Variants in APBA2 observed in about 807,000 individuals in gnomAD.
APBA2 encodes the protein amyloid-beta A4 precursor protein-binding family A member 2.
A neutral mutation model predicts 75.0 loss-of-function variants in APBA2; 30 were observed. The ratio of observed to expected loss-of-function variants is 0.40; its 90% confidence interval spans 0.30 to 0.54. APBA2 has a LOEUF of 0.54. APBA2 is among the 20% of genes least tolerant of loss of function. APBA2 has a pLI of 0.49. For missense variants in APBA2, 801 were observed against 1,016.1 expected, an observed-to-expected ratio of 0.79 and a Z score of 2.88; for synonymous variants, 444 against 409.6, an observed-to-expected ratio of 1.08 and a Z score of -1.01.
chr15:29,060,832 A>G (rs2042101055), intron 4 of APBA2, among the ~76,000 whole-genome samples: 1 of 152,106 alleles, frequency 6.6e-6, no homozygotes, highest in Admixed American at 6.6e-5. Context: ...AGTTGGGTCC[A>G]GCAAGGCTCG....
At position 29,024,694 on chromosome 15, in the gene APBA2, T is replaced by C. The variant is rs191949380; in HGVS notation, c.-41+28888T>C. On this transcript the variant is annotated intron_variant, in intron 3 of 14. Transcript: ENST00000683413. ...GCTGTGAAACAACAGCAGAATCTCA[T>C]AGGACGAGAATTTTTCTTCCTGTTT... Among the ~76,000 whole-genome samples, 339 of 152,318 alleles carry C rather than the reference T, an allele frequency of 2.2e-3. 5 individuals carry two copies. Among genetic ancestry groups the C allele is most frequent in the Admixed American group, 0.02 (304 of 15,298 alleles).
At chr15:28,935,874 A>G (rs1221180589) in intron 2 of APBA2, among the ~76,000 whole-genome samples, 1 of 152,246 alleles carries the variant, frequency 6.6e-6, no homozygotes, top group African/African-American at 2.4e-5. Flanking sequence ...ACAATAGGTT[A>G]TTCATGCAGA....
chr15:28,905,662 AC>A (rs1378934305), intron 1 of APBA2, among the ~76,000 whole-genome samples: 3 of 152,148 alleles, frequency 2.0e-5, no homozygotes, highest in Non-Finnish European at 4.4e-5. Context: ...AGTAGCTGGG[AC>A]TACAGGTACA....
At chr15:29,033,964 CAAAAAAA>C (rs34808408) in intron 3 of APBA2, among the ~76,000 whole-genome samples, 1 of 39,556 alleles carries the variant, frequency 2.5e-5, no homozygotes, top group African/African-American at 8.7e-5. Context: ...GACTCCATCT[CAAAAAAA>C]AAAAAAAAAA....
chr15:28,915,747 C>T (rs1179092069), intron 1 of APBA2, among the ~76,000 whole-genome samples: 3 of 150,940 alleles, frequency 2.0e-5, no homozygotes, highest in Non-Finnish European at 4.4e-5. Flanking sequence ...AAAACACACA[C>T]ACTCAACTCT....
chr15:28,893,660 T>C (rs1382057106), intron 1 of APBA2, among the ~76,000 whole-genome samples: 1 of 152,168 alleles, frequency 6.6e-6, no homozygotes, highest in Non-Finnish European at 1.5e-5. Flanking sequence ...GTCCTAAGGT[T>C]CAGGTACTTG....
intron 2 of APBA2, among the ~76,000 whole-genome samples, chr15:28,953,886 G>C (rs2036024746): frequency 1.3e-5 from 2 of 152,078 alleles, no homozygotes; most frequent in South Asian, 4.1e-4. Context: ...GTGGCACAAG[G>C]AGCTCACATT....
intron 2 of APBA2, among the ~76,000 whole-genome samples, chr15:28,957,018 A>G (rs2036204139): frequency 6.6e-6 from 1 of 152,110 alleles, no homozygotes; most frequent in Non-Finnish European, 1.5e-5. Context: ...GTTGTGAATC[A>G]TGCTGCTGTG....
At chr15:29,031,896 C>T (rs142431916) in intron 3 of APBA2, among the ~76,000 whole-genome samples, 120 of 152,354 alleles carry the variant, frequency 7.9e-4, no homozygotes, top group African/African-American at 2.8e-3. Context: ...TCACAACCAC[C>T]CCAAGAAAGT....
At chr15:29,078,156 G>A (rs552890353) in intron 6 of APBA2, among the ~76,000 whole-genome samples, 195 of 151,896 alleles carry the variant, frequency 1.3e-3, no homozygotes, top group African/African-American at 4.5e-3. Context: ...TTAGCCAGGC[G>A]TGATGCTGAG....
At chr15:29,100,289 G>A (rs1330782930) in intron 9 of APBA2, among the ~76,000 whole-genome samples, 1 of 152,224 alleles carries the variant, frequency 6.6e-6, no homozygotes, top group African/African-American at 2.4e-5. Flanking sequence ...TCCCTGGAAG[G>A]TGACTCTTGT....
At chr15:29,012,240 C>T (rs188158042) in intron 3 of APBA2, among the ~76,000 whole-genome samples, 28 of 152,276 alleles carry the variant, frequency 1.8e-4, no homozygotes, top group Admixed American at 1.3e-3. Flanking sequence ...GTTATTATGT[C>T]GCTTTAGGTT....
chr15:28,925,008 A>G (rs1321469524), intron 2 of APBA2, among the ~76,000 whole-genome samples: 1 of 151,992 alleles, frequency 6.6e-6, no homozygotes, highest in Non-Finnish European at 1.5e-5. Flanking sequence ...CATTTCCTGA[A>G]TAGGTTTTTT....
chr15:28,915,902 C>T (rs1184452738), intron 1 of APBA2, among the ~76,000 whole-genome samples: 2 of 151,482 alleles, frequency 1.3e-5, no homozygotes, highest in Admixed American at 6.6e-5. Context: ...CACCACACAC[C>T]CACACCATAC....
At chr15:29,056,636 C>CCTCT (rs147310000) in intron 4 of APBA2, among the ~76,000 whole-genome samples, 2,227 of 96,206 alleles carry the variant, frequency 0.023, 41 homozygotes, top group East Asian at 0.028. Context: ...CTCCCTCCCT[C>CCTCT]CTCTCTCTCT....
Position 29,093,215 on chromosome 15 carries a change from G to A in APBA2, c.1210G>A (p.Val404Ile), listed in dbSNP as rs745360008. ...MMQAQEAVSR[V>I]KRMQKAAKIK... ...GCAAGCGCAGGAGGCCGTCAGCCGG[G>A]TCAAGGTAGAGGTGCTTCGAGGGCC... Residue 404 changes from valine (V) to isoleucine (I), a missense_variant, in exon 7 of 15, where the codon GTC becomes ATC. Around this residue, in one of 2 missense-constraint regions of APBA2, gnomAD observed 367 missense variants for 544.5 expected, o/e 0.67. Transcript: ENST00000683413. 2 of 1,614,228 alleles carry A rather than the reference G, an allele frequency of 1.2e-6. No individual in the cohort carries two copies. The highest frequency in any genetic ancestry group is 1.7e-6 in the Non-Finnish European group (2 of 1,180,052).
At chr15:29,057,301 G>A (rs2041943028) in intron 4 of APBA2, among the ~76,000 whole-genome samples, 1 of 152,208 alleles carries the variant, frequency 6.6e-6, no homozygotes, top group Admixed American at 6.5e-5. Flanking sequence ...CATTCCAGCT[G>A]TGATGCTGTA....
chr15:28,889,342 T>C (rs527997079), intron 1 of APBA2, among the ~76,000 whole-genome samples: 1 of 152,332 alleles, frequency 6.6e-6, no homozygotes, highest in Admixed American at 6.5e-5. Context: ...GTGCCACTGC[T>C]GTGTGCATTG....
At position 29,046,647 on chromosome 15, in the gene APBA2, G is replaced by A. The variant is rs2041347611; in HGVS notation, c.-40-7198G>A. On this transcript the variant is annotated intron_variant, in intron 3 of 14. Coordinates refer to ENST00000683413, the MANE Select transcript of APBA2 (RefSeq NM_001353788.2). This position sits in a 1 kb window ranked among gnomAD's most constrained non-coding sequence, Gnocchi z 5.0. Reference sequence around the variant, plus strand: ...CCTGCAGCTCTAGACCTGGCCTTTGGCCCACAACCTTGGAATCTTGGGCCA... The same window carrying A: ...CCTGCAGCTCTAGACCTGGCCTTTGACCCACAACCTTGGAATCTTGGGCCA... 6.6e-6 allele frequency among the ~76,000 whole-genome samples: 1 copy of A among 152,182 alleles called. No homozygotes were observed. Among genetic ancestry groups the A allele is most frequent in the Admixed American group, 6.5e-5 (1 of 15,278 alleles).
Sources: allele counts gnomAD v4.1 joint callset (sites outside exome capture counted in the v4.1 genomes callset), GRCh38; gene constraint gnomAD v4.1.1; regional missense constraint gnomAD v4.1.1; non-coding constraint Gnocchi (gnomAD v3.1); transcripts MANE v1.5; gene names NCBI Gene and HGNC (gene_info 2026-07-23, HGNC 2026-07-21).